Variants in GPC5 observed in about 807,000 individuals in gnomAD.
GPC5 encodes glypican 5.
In GPC5, 47 loss-of-function variants were observed where a neutral mutation model predicts 53.9. The observed-to-expected ratio is 0.87, with a 90% confidence interval of 0.69 to 1.11. GPC5 has a LOEUF of 1.11. Among genes scored for constraint, GPC5 ranks in the 50% most tolerant of loss-of-function variants. The pLI is 0.00. For synonymous variants in GPC5, 286 were observed against 263.3 expected (o/e 1.09, Z -0.84); for missense variants, 748 against 713.1 (o/e 1.05, Z -0.56).
chr13:92,140,714 A>G (rs2041824051), intron 6 of GPC5, among the ~76,000 whole-genome samples: 1 of 152,228 alleles, frequency 6.6e-6, no homozygotes, highest in Admixed American at 6.5e-5. Flanking sequence ...TTTTAAGAAA[A>G]TAATATGGTG....
At chr13:91,513,085 A>G (rs1016822181) in intron 2 of GPC5, among the ~76,000 whole-genome samples, 4 of 152,216 alleles carry the variant, frequency 2.6e-5, no homozygotes, top group Non-Finnish European at 4.4e-5. Context: ...AACGTGTGCC[A>G]TGGTGGTTTG....
Position 91,965,505 on chromosome 13 carries a change from G to T in GPC5, c.1401+57448G>T, listed in dbSNP as rs2040172397. ...GTTTTTCTCTCTGTATAGTTATGAG[G>T]AGTTCAGAGCCTCCCATGTAATTGT... On this transcript the variant is annotated intron_variant, in intron 6 of 7. Coordinates refer to ENST00000377067, the MANE Select transcript of GPC5 (RefSeq NM_004466.6). 3.9e-5 allele frequency among the ~76,000 whole-genome samples: 6 copies of T among 152,156 alleles called. No homozygotes were observed. The South Asian group carries it at 1.2e-3, about 32-fold the overall frequency.
chr13:92,397,509 C>G (rs920492604), intron 7 of GPC5, among the ~76,000 whole-genome samples: 5 of 152,182 alleles, frequency 3.3e-5, no homozygotes, highest in African/African-American at 9.7e-5. Flanking sequence ...TTATTAGCAG[C>G]GTGAAAACGG....
intron 7 of GPC5, among the ~76,000 whole-genome samples, chr13:92,554,824 G>A (rs1882437950): frequency 6.6e-6 from 1 of 150,906 alleles, no homozygotes; most frequent in Non-Finnish European, 1.5e-5. Flanking sequence ...ATGCATATGT[G>A]TATAGAACTT....
intron 5 of GPC5, among the ~76,000 whole-genome samples, chr13:91,773,560 T>G (rs887456245): frequency 2.0e-5 from 3 of 152,212 alleles, no homozygotes; most frequent in African/African-American, 7.2e-5. Flanking sequence ...GTTGAATTTT[T>G]ATATACAATT....
chr13:92,204,039 G>A (rs1197374501), intron 7 of GPC5, among the ~76,000 whole-genome samples: 1 of 152,092 alleles, frequency 6.6e-6, no homozygotes, highest in African/African-American at 2.4e-5. Flanking sequence ...TAATCTTAAA[G>A]CTCATGTTAT....
At chr13:92,428,389 C>G (rs1876935199) in intron 7 of GPC5, among the ~76,000 whole-genome samples, 1 of 152,092 alleles carries the variant, frequency 6.6e-6, no homozygotes, top group South Asian at 2.1e-4. Context: ...CTCCCAGGAC[C>G]TTGGCCTTTT....
chr13:91,975,932 C>T (rs9515997), intron 6 of GPC5, among the ~76,000 whole-genome samples: 92,185 of 151,960 alleles, frequency 0.61, 28,652 homozygotes, highest in East Asian at 0.75. Flanking sequence ...CATGGAATAC[C>T]ATGCAGCCAT....
chr13:91,906,513 T>A (rs2039554527), intron 5 of GPC5, among the ~76,000 whole-genome samples: 1 of 152,238 alleles, frequency 6.6e-6, no homozygotes, highest in African/African-American at 2.4e-5. Flanking sequence ...AGTATTTATA[T>A]TGCTGAAATC....
intron 6 of GPC5, among the ~76,000 whole-genome samples, chr13:91,964,294 A>C (rs752225397): frequency 6.6e-6 from 1 of 152,182 alleles, no homozygotes; most frequent in Non-Finnish European, 1.5e-5. Context: ...AAGAGACCCC[A>C]GCAGGTTGCT....
intron 2 of GPC5, among the ~76,000 whole-genome samples, chr13:91,688,946 G>A (rs2139782671): frequency 6.6e-6 from 1 of 151,570 alleles, no homozygotes; most frequent in Admixed American, 6.6e-5. Context: ...ATACCTTGAG[G>A]CCAGGAGTTT....
At chr13:91,959,386 A>T (rs1158422121) in intron 6 of GPC5, among the ~76,000 whole-genome samples, 8 of 151,928 alleles carry the variant, frequency 5.3e-5, no homozygotes, top group African/African-American at 1.9e-4. Flanking sequence ...GAGTGATGAG[A>T]CTCAGTCAGG....
intron 7 of GPC5, among the ~76,000 whole-genome samples, chr13:92,295,925 T>A (rs2043031219): frequency 6.6e-6 from 1 of 152,200 alleles, no homozygotes; most frequent in Non-Finnish European, 1.5e-5. Context: ...TCTGTATCTT[T>A]TAAGTGGAGT....
chr13:92,400,557 C>A (rs186054557), intron 7 of GPC5, among the ~76,000 whole-genome samples: 1 of 152,276 alleles, frequency 6.6e-6, no homozygotes, highest in Non-Finnish European at 1.5e-5. Context: ...TTCCATATAT[C>A]CAAATTTTAG....
intron 6 of GPC5, among the ~76,000 whole-genome samples, chr13:92,023,674 A>ACG (rs1281111682): frequency 9.7e-6 from 1 of 103,564 alleles, no homozygotes; most frequent in African/African-American, 3.4e-5. Context: ...GGACACACAC[A>ACG]CACACACACA....
chr13:91,593,566 T>C (rs2032883941), intron 2 of GPC5, among the ~76,000 whole-genome samples: 1 of 152,226 alleles, frequency 6.6e-6, no homozygotes. Context: ...GTTCTGACTC[T>C]TGTGTCTTTC....
At chr13:92,670,241 A>T (rs1886702151) in intron 7 of GPC5, among the ~76,000 whole-genome samples, 1 of 152,156 alleles carries the variant, frequency 6.6e-6, no homozygotes, top group African/African-American at 2.4e-5. Flanking sequence ...TGGGAGCCAG[A>T]AAGCTAATCC....
At chr13:92,427,885 A>C (rs1002913799) in intron 7 of GPC5, among the ~76,000 whole-genome samples, 2 of 152,190 alleles carry the variant, frequency 1.3e-5, no homozygotes, top group Non-Finnish European at 1.5e-5. Context: ...TTTGCCAAAA[A>C]GTAACTAAAA....
At chr13:91,959,306 A>C (rs573095209) in intron 6 of GPC5, among the ~76,000 whole-genome samples, 1 of 150,762 alleles carries the variant, frequency 6.6e-6, no homozygotes, top group South Asian at 2.1e-4. Flanking sequence ...AACCTAGAAG[A>C]AATGGATAAA....
Sources: allele counts gnomAD v4.1 joint callset (sites outside exome capture counted in the v4.1 genomes callset), GRCh38; gene constraint gnomAD v4.1.1; transcripts MANE v1.5; gene names NCBI Gene and HGNC (gene_info 2026-07-23, HGNC 2026-07-21).